DOCK8: variants seen among roughly 807,000 people sequenced by gnomAD.
DOCK8 encodes the protein dedicator of cytokinesis protein 8.
A neutral mutation model predicts 245.6 loss-of-function variants in DOCK8; 141 were observed. The observed-to-expected ratio is 0.57, with a 90% CI of 0.50 to 0.66. The LOEUF (loss-of-function observed/expected upper bound fraction) is 0.66, where lower values mean the gene tolerates loss of function less well. Among genes scored for constraint, DOCK8 ranks in the 30% least tolerant of loss-of-function variants. The probability of loss-of-function intolerance (pLI) is 0.00; values close to 1 mark genes in which losing one functional copy is unlikely to be tolerated. For missense variants in DOCK8, 2,965 were observed against 2,603.4 expected, an observed-to-expected ratio of 1.14 and a Z score of -3.02; for synonymous variants, 1,168 against 970.2, an observed-to-expected ratio of 1.20 and a Z score of -3.79.
At chr9:334,903 A>C (rs570098280) in intron 11 of DOCK8, among the ~76,000 whole-genome samples, 92 of 152,016 alleles carry the variant, frequency 6.1e-4, no homozygotes, top group Non-Finnish European at 1.2e-3. Context: ...CCAACATGGT[A>C]AAACCCTGTC....
intron 1 of DOCK8, among the ~76,000 whole-genome samples, chr9:269,806 C>T (rs991850873): frequency 6.6e-6 from 1 of 152,152 alleles, no homozygotes; most frequent in Admixed American, 6.5e-5. Flanking sequence ...GATCTGCCCA[C>T]TTCAGCCCCC....
chr9:214,707 G>T, upstream of DOCK8: 2 of 1,554,494 alleles, frequency 1.3e-6, no homozygotes, highest in Non-Finnish European at 1.7e-6. Flanking sequence ...CCCAGTATCG[G>T]GAGGCCAGTT....
intron 1 of DOCK8, among the ~76,000 whole-genome samples, chr9:246,212 C>T (rs948311368): frequency 8.6e-5 from 13 of 151,240 alleles, no homozygotes; most frequent in Middle Eastern, 3.4e-3. Context: ...GAGTGACACC[C>T]ATCTCAGAAA....
At chr9:253,551 T>G (rs911216123) in intron 1 of DOCK8, among the ~76,000 whole-genome samples, 6 of 152,334 alleles carry the variant, frequency 3.9e-5, no homozygotes, top group African/African-American at 1.4e-4. Context: ...TCATTGGAAG[T>G]AAGGCTCTGG....
At chr9:336,841 AT>A (rs1233360936) in intron 12 of DOCK8, 123 bp downstream of exon 12, 3 of 1,139,774 alleles carry the variant, frequency 2.6e-6, no homozygotes, top group Non-Finnish European at 4.0e-6. Flanking sequence ...CTCTTAGTTC[AT>A]TTTCTGCTGC....
At chr9:388,841 AAC>A in intron 23 of DOCK8, among the ~76,000 whole-genome samples, 1 of 152,348 alleles carries the variant, frequency 6.6e-6, no homozygotes, top group South Asian at 2.1e-4. Context: ...GGCATGAGTC[AAC>A]ACACCTAGCC....
chr9:444,502 TG>T (rs2057191752), intron 43 of DOCK8, among the ~76,000 whole-genome samples: 1 of 152,164 alleles, frequency 6.6e-6, no homozygotes, highest in Non-Finnish European at 1.5e-5. Context: ...TATGGCTTCC[TG>T]GCTCATCAGT....
intron 28 of DOCK8, among the ~76,000 whole-genome samples, chr9:411,954 G>A (rs2055751326): frequency 6.6e-6 from 1 of 152,116 alleles, no homozygotes; most frequent in Non-Finnish European, 1.5e-5. Context: ...TGACTTAAGG[G>A]CCTCTATGAA....
At chr9:325,777 A>G (rs1488129120) in intron 8 of DOCK8, 40 bp downstream of exon 8, 4 of 1,513,536 alleles carry the variant, frequency 2.6e-6, no homozygotes, top group East Asian at 2.3e-5. Flanking sequence ...AGGCACATAT[A>G]TTGTTCATGA....
intron 4 of DOCK8, among the ~76,000 whole-genome samples, chr9:291,914 T>A (rs927037441): frequency 8.6e-5 from 13 of 151,230 alleles, no homozygotes; most frequent in Non-Finnish European, 1.3e-4. Context: ...AAAAATTTTT[T>A]AAAAAATTAA....
chr9:296,421 C>G (rs1170414632), intron 4 of DOCK8, among the ~76,000 whole-genome samples: 1 of 152,142 alleles, frequency 6.6e-6, no homozygotes, highest in Non-Finnish European at 1.5e-5. Context: ...GCCGCAGAGA[C>G]AGTGAAACAT....
chr9:371,816 C>T (rs2053299102), intron 17 of DOCK8, among the ~76,000 whole-genome samples: 1 of 152,184 alleles, frequency 6.6e-6, no homozygotes. Context: ...TTGCAGTGTT[C>T]ACTATTTCCA....
At chr9:289,393 C>T in intron 3 of DOCK8, 117 bp from the exon 4 acceptor site, 1 of 809,280 alleles carries the variant, frequency 1.2e-6, no homozygotes, top group Non-Finnish European at 2.1e-6. Flanking sequence ...CAAGAACATC[C>T]TAAGCATTCT....
chr9:224,617 A>C (rs549137513), intron 1 of DOCK8, among the ~76,000 whole-genome samples: 1 of 152,156 alleles, frequency 6.6e-6, no homozygotes, highest in Non-Finnish European at 1.5e-5. Context: ...GACACAGCCA[A>C]AACCTTCTTT....
At chr9:392,297 G>A (rs965470369) in intron 24 of DOCK8, among the ~76,000 whole-genome samples, 1 of 152,114 alleles carries the variant, frequency 6.6e-6, no homozygotes, top group South Asian at 2.1e-4. Flanking sequence ...CATCCACTGG[G>A]GAGGAAATAG....
At chr9:285,113 C>G (rs931463928) in intron 2 of DOCK8, among the ~76,000 whole-genome samples, 1 of 152,132 alleles carries the variant, frequency 6.6e-6, no homozygotes, top group African/African-American at 2.4e-5. Context: ...AAATCCCAGA[C>G]AGGAAGTAGG....
At chr9:407,185 C>G (rs1267179823) in intron 28 of DOCK8, 116 bp downstream of exon 28, 1 of 1,461,864 alleles carries the variant, frequency 6.8e-7, no homozygotes, top group Non-Finnish European at 9.4e-7. Context: ...TTGACCAGTT[C>G]TGAGGAGTAG....
intron 14 of DOCK8, among the ~76,000 whole-genome samples, chr9:347,357 T>G (rs1398900960): frequency 6.6e-6 from 1 of 151,808 alleles, no homozygotes; most frequent in Non-Finnish European, 1.5e-5. Flanking sequence ...AACAAAAAAA[T>G]TAGCCAGGGG....
At chr9:316,614 C>G (rs920944580) in intron 6 of DOCK8, among the ~76,000 whole-genome samples, 4 of 152,196 alleles carry the variant, frequency 2.6e-5, no homozygotes, top group African/African-American at 9.6e-5. Context: ...GTGAACCATT[C>G]TGACTCAGAT....
Sources: gnomAD v4.1 joint callset for allele counts (sites outside exome capture counted in the v4.1 genomes callset) on GRCh38, gnomAD v4.1.1 for gene constraint, MANE v1.5 for transcripts, NCBI Gene and HGNC (gene_info 2026-07-23, HGNC 2026-07-21) for gene names.